Variants in CNTN4 observed in about 807,000 individuals in gnomAD.
The protein encoded by CNTN4 is contactin-4.
A neutral mutation model predicts 122.5 loss-of-function variants in CNTN4; 77 were observed. That is an observed-to-expected ratio of 0.63 (90% CI 0.52 to 0.76). CNTN4 has a LOEUF of 0.76. CNTN4 is among the 30% of genes least tolerant of loss of function. The probability of loss-of-function intolerance (pLI) is 0.00; values close to 1 mark genes in which losing one functional copy is unlikely to be tolerated. For synonymous variants in CNTN4, 512 were observed against 447.0 expected (o/e 1.15, Z -1.83); for missense variants, 1,256 against 1,259.1 (o/e 1.00, Z 0.04).
chr3:2,768,403 A>G (rs1049653278), intron 6 of CNTN4, among the ~76,000 whole-genome samples: 2 of 152,226 alleles, frequency 1.3e-5, no homozygotes, highest in Admixed American at 6.5e-5. Flanking sequence ...TCAATATTAA[A>G]TTTGTTAACT....
chr3:2,731,535 T>A (rs547132214), intron 4 of CNTN4, among the ~76,000 whole-genome samples: 1 of 152,330 alleles, frequency 6.6e-6, no homozygotes, highest in East Asian at 1.9e-4. Context: ...TCCACAAGAC[T>A]GTAGGTGAGC....
chr3:3,021,426 C>T (rs113853986), intron 14 of CNTN4, among the ~76,000 whole-genome samples: 2,422 of 152,284 alleles, frequency 0.016, 31 homozygotes, highest in Non-Finnish European at 0.024. Context: ...CCCCTTATGT[C>T]ATCTGAGGTT....
At chr3:2,217,078 G>A (rs2038874556) in intron 2 of CNTN4, among the ~76,000 whole-genome samples, 1 of 152,132 alleles carries the variant, frequency 6.6e-6, no homozygotes, top group South Asian at 2.1e-4. Flanking sequence ...AATGTAGGAT[G>A]AGACTTTATC....
At chr3:2,609,639 A>G (rs2081398188) in intron 4 of CNTN4, among the ~76,000 whole-genome samples, 1 of 152,160 alleles carries the variant, frequency 6.6e-6, no homozygotes, top group Admixed American at 6.6e-5. Flanking sequence ...ATGGCTGAAA[A>G]ATGAGTTTTA....
At chr3:2,736,021 T>G in intron 4 of CNTN4, 194 bp from the exon 5 acceptor site, 2 of 720,842 alleles carry the variant, frequency 2.8e-6, no homozygotes, top group South Asian at 2.7e-5. Flanking sequence ...AGGGCTTATA[T>G]TTTCACTTCA....
intron 4 of CNTN4, among the ~76,000 whole-genome samples, chr3:2,730,980 G>A (rs1158178156): frequency 1.3e-5 from 2 of 151,558 alleles, no homozygotes; most frequent in African/African-American, 4.8e-5. Context: ...ACACCCGGCT[G>A]CGGAGAGGTG....
At chr3:2,240,455 T>C (rs1422382942) in intron 2 of CNTN4, among the ~76,000 whole-genome samples, 1 of 152,114 alleles carries the variant, frequency 6.6e-6, no homozygotes, top group Non-Finnish European at 1.5e-5. Flanking sequence ...CAAATGACCA[T>C]TACTTCATAC....
At chr3:2,336,637 T>C (rs1055368150) in intron 2 of CNTN4, among the ~76,000 whole-genome samples, 3 of 152,124 alleles carry the variant, frequency 2.0e-5, no homozygotes, top group Non-Finnish European at 4.4e-5. Context: ...ATAAGGGTTG[T>C]TGAAACCATA....
chr3:2,424,699 C>T lies in CNTN4; in HGVS notation c.-89+85466C>T, dbSNP rs185202547. ...TCCCACCAACAGTGTAAAAGTGTTC[C>T]TATTTCTCCACATCCTCTCCAGTAC... On this transcript the variant is annotated intron_variant, in intron 3 of 24. Coordinates refer to ENST00000418658, the MANE Select transcript of CNTN4 (RefSeq NM_175607.3). 2.6e-3 allele frequency among the ~76,000 whole-genome samples: 397 copies of T among 152,276 alleles called. 1 individual carries two copies. Among genetic ancestry groups the T allele is most frequent in the African/African-American group, 9.0e-3 (374 of 41,562 alleles).
intron 2 of CNTN4, among the ~76,000 whole-genome samples, chr3:2,288,619 T>C (rs2042026193): frequency 6.6e-6 from 1 of 152,108 alleles, no homozygotes; most frequent in Non-Finnish European, 1.5e-5. Flanking sequence ...TGGGAAAGAT[T>C]GCAACACACT....
At chr3:2,142,445 A>G (rs1001623838) in intron 2 of CNTN4, among the ~76,000 whole-genome samples, 2 of 151,372 alleles carry the variant, frequency 1.3e-5, no homozygotes, top group African/African-American at 4.9e-5. Flanking sequence ...GCTCACTGCA[A>G]CCTCACCTCC....
intron 6 of CNTN4, among the ~76,000 whole-genome samples, chr3:2,754,193 A>T (rs13097368): frequency 0.6 from 90,417 of 151,876 alleles, 28,815 homozygotes; most frequent in Non-Finnish European, 0.71. Context: ...ATATCTAATG[A>T]CTCCAGATTT....
intron 2 of CNTN4, among the ~76,000 whole-genome samples, chr3:2,189,942 A>G (rs193171121): frequency 6.6e-6 from 1 of 152,274 alleles, no homozygotes; most frequent in African/African-American, 2.4e-5. Context: ...TCCTCAAATC[A>G]GTTGTGACAC....
chr3:3,042,522 A>C (rs1700257220), intron 21 of CNTN4, 100 bp downstream of exon 21: 4 of 796,684 alleles, frequency 5.0e-6, no homozygotes, highest in South Asian at 1.4e-5. Context: ...CATTCCCACT[A>C]AGAGGCATTG....
intron 4 of CNTN4, among the ~76,000 whole-genome samples, chr3:2,668,840 G>A (rs1239745804): frequency 5.9e-5 from 9 of 151,930 alleles, no homozygotes; most frequent in Non-Finnish European, 1.2e-4. Context: ...TTCTGCATCT[G>A]TTGAGATAAA....
At chr3:2,607,217 T>A (rs1315603894) in intron 4 of CNTN4, among the ~76,000 whole-genome samples, 1 of 152,236 alleles carries the variant, frequency 6.6e-6, no homozygotes, top group Non-Finnish European at 1.5e-5. Flanking sequence ...TGTAGTCATA[T>A]TGCAGAGCAA....
In CNTN4 at chr3:2,709,984, T is replaced by C. The variant is rs376881792; in HGVS notation, c.56-26231T>C. Among the ~76,000 whole-genome samples, 10 of 152,210 alleles carry C rather than the reference T, an allele frequency of 6.6e-5. No individual in the cohort carries two copies. The highest frequency in any genetic ancestry group is 2.4e-4 in the African/African-American group (10 of 41,458). On this transcript the variant is annotated intron_variant, in intron 4 of 24. Coordinates refer to ENST00000418658, the MANE Select transcript of CNTN4 (RefSeq NM_175607.3). This position sits in a 1 kb window ranked among gnomAD's most constrained non-coding sequence, Gnocchi z 5.0. ...AATGCTTATTGCTGAAACCCTCCTT[T>C]GTTAACATTTTAAATTGTCGCTCTA...
chr3:2,593,501 C>A (rs1169182692), intron 4 of CNTN4, among the ~76,000 whole-genome samples: 2 of 152,064 alleles, frequency 1.3e-5, no homozygotes, highest in Non-Finnish European at 2.9e-5. Context: ...TTTGTGGCCT[C>A]TGAAATGATC....
chr3:2,574,982 A>G (rs2050293088), intron 4 of CNTN4, among the ~76,000 whole-genome samples: 2 of 152,150 alleles, frequency 1.3e-5, no homozygotes, highest in South Asian at 4.1e-4. Context: ...TGCAGTTCCT[A>G]GTCCACCACT....
Sources: gnomAD v4.1 joint callset for allele counts (sites outside exome capture counted in the v4.1 genomes callset) on GRCh38, gnomAD v4.1.1 for gene constraint, Gnocchi (gnomAD v3.1) non-coding constraint, MANE v1.5 for transcripts, NCBI Gene and HGNC (gene_info 2026-07-23, HGNC 2026-07-21) for gene names.